MMRN1: variants seen among roughly 807,000 people sequenced by gnomAD.
MMRN1 encodes the protein multimerin 1, also known as multimerin-1.
In MMRN1, 94 loss-of-function variants were observed where a neutral mutation model predicts 100.7. The observed-to-expected ratio is 0.93, with a 90% confidence interval of 0.79 to 1.11. MMRN1 has a LOEUF of 1.11. MMRN1 is among the 50% of genes least tolerant of loss of function. The pLI is 0.00. For synonymous variants in MMRN1, 575 were observed against 505.0 expected (o/e 1.14, Z -1.86); for missense variants, 1,606 against 1,439.1 (o/e 1.12, Z -1.88).
rs576405959 is a variant in MMRN1 at position 89,918,766 on chromosome 4, T to C, written c.851-4402T>C. On this transcript the variant is annotated intron_variant, in intron 3 of 7. Transcript: ENST00000264790. ...GAACTCCTGGTTTACTTTTTCACTA[T>C]TATTGCACAGGCTTCACCTATGTAA... Among the ~76,000 whole-genome samples, 31 of 152,016 alleles carry C rather than the reference T, an allele frequency of 2.0e-4. No individual in the cohort carries two copies. The South Asian group carries it at 5.8e-3, about 28-fold the overall frequency.
chr4:89,895,986 CA>C (rs902339976), intron 1 of MMRN1, among the ~76,000 whole-genome samples: 1 of 152,034 alleles, frequency 6.6e-6, no homozygotes, highest in African/African-American at 2.4e-5. Flanking sequence ...GGGGCTTGAA[CA>C]GATGTGAAAA....
Position 89,935,406 on chromosome 4 carries a change from A to C in MMRN1, c.1726A>C (p.Asn576His). 6.2e-7 allele frequency: 1 copy of C among 1,613,450 alleles called. No homozygotes were observed. Among genetic ancestry groups the C allele is most frequent in the Non-Finnish European group, 8.5e-7 (1 of 1,179,736 alleles). Residue 576 changes from asparagine to histidine, a missense_variant, in exon 6 of 8, where the codon AAT (asparagine) becomes CAT (histidine). Physicochemically the swap from Asn to His is moderately conservative, Grantham distance 68. Coordinates refer to ENST00000264790, the MANE Select transcript of MMRN1 (RefSeq NM_007351.3). ...GCACATTCAAGAAAGCAAGATTAAC[A>C]ATCTCACCGTCTCTTTGGAGATGGA... Reference protein sequence around the residue: ...DLHIQESKINNLTVSLEMEKE... With the variant: ...DLHIQESKINHLTVSLEMEKE...
rs889768889 is a variant in MMRN1, at chr4:89,898,507, G to C, written c.623+2913G>C. On this transcript the variant is annotated intron_variant, in intron 1 of 7. Transcript: ENST00000264790. Reference sequence around the variant, plus strand: ...ATAAGCGTGACCAGTTCACTTCCCAGCTCGTGAGGCTTCACAGGCTATTGG... The same window carrying C: ...ATAAGCGTGACCAGTTCACTTCCCACCTCGTGAGGCTTCACAGGCTATTGG... Among the ~76,000 whole-genome samples the C allele has an allele frequency of 8.6e-5, 13 of 151,824 alleles. No individual in the cohort carries two copies. The East Asian group carries it at 2.5e-3, about 30-fold the overall frequency.
At chr4:89,923,293 T>A (rs1354751902) in intron 4 of MMRN1, 21 bp downstream of exon 4, 1 of 1,591,476 alleles carries the variant, frequency 6.3e-7, no homozygotes, top group Admixed American at 1.7e-5. Context: ...GTAATTACTA[T>A]CATCTCTGAC....
intron 1 of MMRN1, among the ~76,000 whole-genome samples, chr4:89,903,811 T>G (rs967765534): frequency 1.3e-5 from 2 of 151,462 alleles, no homozygotes; most frequent in Non-Finnish European, 3.0e-5. Context: ...ATGGGAAATT[T>G]TTCAGGGAAA....
At position 89,936,606 on chromosome 4, in the gene MMRN1, C is replaced by T. The variant is rs772655622; in HGVS notation, c.2926C>T (p.Gln976Ter). Residue 976 changes from glutamine (Q) to a stop codon, truncating the protein, a stop_gained, in exon 6 of 8, where the codon CAA (glutamine) becomes TAA (stop). Transcript: ENST00000264790. LOFTEE classifies it high-confidence loss of function. ...FVEPIIQIKT[Q>*]AALSNLTCCI... ...GGAACCAATAATTCAAATAAAAACT[C>T]AAGCTGCCCTATCTAATTTAACTTG... 6.2e-7 allele frequency: 1 copy of T among 1,611,850 alleles called. No homozygotes were observed.
chr4:89,911,979 A>C lies in MMRN1; in HGVS notation c.779A>C (p.Gln260Pro), dbSNP rs1721766320. The change falls in exon 3 of 8, where the codon CAA becomes CCA. Residue 260 changes from glutamine to proline, a missense_variant. Transcript: ENST00000264790. ...QKISNPVYRM[Q>P]HKIVTSLDWR... ...ATATCCAATCCTGTCTATAGGATGC[A>C]ACATAAAATTGTCACCTCATTGGAT... 8 of 1,604,320 alleles carry C rather than the reference A, an allele frequency of 5.0e-6. No individual in the cohort carries two copies. Among genetic ancestry groups the C allele is most frequent in the Non-Finnish European group, 6.8e-6 (8 of 1,174,170 alleles).
intron 1 of MMRN1, among the ~76,000 whole-genome samples, chr4:89,889,673 T>C (rs1721007456): frequency 6.6e-6 from 1 of 152,094 alleles, no homozygotes; most frequent in African/African-American, 2.4e-5. Context: ...CCCCAGGGCT[T>C]TAGTTTATGT....
Position 89,953,068 on chromosome 4 carries a change from A to G in MMRN1, c.3337A>G (p.Ile1113Val), listed in dbSNP as rs189291833. 5.6e-6 allele frequency: 9 copies of G among 1,613,826 alleles called. No homozygotes were observed. The African/African-American group carries it at 8.0e-5, about 14-fold the overall frequency. The change falls in exon 8 of 8, where the codon ATA becomes GTA. Residue 1113 changes from isoleucine (I) to valine (V), a missense_variant. Transcript: ENST00000264790. ...FFASHTYGMTIPGPILFNNLD... is the reference protein window; with the variant it reads ...FFASHTYGMTVPGPILFNNLD... ...TGCATCTCATACGTATGGAATGACT[A>G]TACCTGGTCCTATCCTGTTTAATAA...
At chr4:89,892,789 T>C (rs1721083372), upstream of MMRN1, among the ~76,000 whole-genome samples, 1 of 152,032 alleles carries the variant, frequency 6.6e-6, no homozygotes, top group Non-Finnish European at 1.5e-5. Context: ...CTATTTGTTA[T>C]CAGTTATAGA....
upstream of MMRN1, among the ~76,000 whole-genome samples, chr4:89,892,949 T>C (rs547044004): frequency 6.6e-6 from 1 of 152,050 alleles, no homozygotes; most frequent in Non-Finnish European, 1.5e-5. Context: ...CTATTTTTAC[T>C]AAAGCTAGGA....
rs1306543958 is a variant in MMRN1, at chr4:89,923,280, A to G, written c.955+8A>G. The G allele has an allele frequency of 6.2e-7, 1 of 1,610,040 alleles. No homozygotes were observed. Among genetic ancestry groups the G allele is most frequent in the African/African-American group, 1.3e-5 (1 of 74,830 alleles). ...AAGGCTGTGGTGACCCAGGTCATAG[A>G]TTGTAATTACTATCATCTCTGACCC... On this transcript the variant is annotated splice_region_variant and intron_variant, in intron 4 of 7. Coordinates refer to ENST00000264790, the MANE Select transcript of MMRN1 (RefSeq NM_007351.3).
At chr4:89,891,579 C>T (rs368144051), upstream of MMRN1, among the ~76,000 whole-genome samples, 1 of 152,140 alleles carries the variant, frequency 6.6e-6, no homozygotes, top group East Asian at 1.9e-4. Flanking sequence ...CCTAGCACAT[C>T]GACTCATCAA....
upstream of MMRN1, among the ~76,000 whole-genome samples, chr4:89,891,798 A>G (rs1312693683): frequency 6.6e-6 from 1 of 152,070 alleles, no homozygotes; most frequent in Non-Finnish European, 1.5e-5. Flanking sequence ...TGGATGTTTT[A>G]AACTATTTTA....
intron 6 of MMRN1, among the ~76,000 whole-genome samples, chr4:89,944,106 A>C (rs1001639248): frequency 2.6e-5 from 4 of 152,166 alleles, no homozygotes; most frequent in African/African-American, 7.2e-5. Flanking sequence ...AGCTATTTTG[A>C]ATGTGAAAGA....
At chr4:89,910,248 C>G (rs1578475993) in intron 2 of MMRN1, among the ~76,000 whole-genome samples, 2 of 151,452 alleles carry the variant, frequency 1.3e-5, no homozygotes, top group East Asian at 1.9e-4. Flanking sequence ...AACTCTAGTT[C>G]TGTTTTCAGC....
At chr4:89,922,361 C>T (rs777650713) in intron 3 of MMRN1, among the ~76,000 whole-genome samples, 13 of 152,144 alleles carry the variant, frequency 8.5e-5, no homozygotes, top group African/African-American at 1.7e-4. Context: ...CTGCCTCAGC[C>T]TCCCAAAGTG....
At chr4:89,931,940 C>T (rs1198805592) in intron 5 of MMRN1, among the ~76,000 whole-genome samples, 2 of 152,168 alleles carry the variant, frequency 1.3e-5, no homozygotes, top group Non-Finnish European at 2.9e-5. Flanking sequence ...ACCAATCATG[C>T]CTTCCCAACA....
intron 4 of MMRN1, 55 bp from the exon 5 acceptor site, chr4:89,927,740 A>T (rs1722305499): frequency 6.5e-7 from 1 of 1,528,154 alleles, no homozygotes. Context: ...GTATGATACC[A>T]ACTATGGGTC....
Sources: allele counts gnomAD v4.1 joint callset (sites outside exome capture counted in the v4.1 genomes callset), GRCh38; gene constraint gnomAD v4.1.1; transcripts MANE v1.5; gene names NCBI Gene and HGNC (gene_info 2026-07-23, HGNC 2026-07-21).